TRMT9B: variants seen among roughly 807,000 people sequenced by gnomAD.
TRMT9B encodes tRNA methyltransferase 9B (putative).
A neutral mutation model predicts 11.5 loss-of-function variants in TRMT9B; 16 were observed. The ratio of observed to expected loss-of-function variants is 1.39; its 90% confidence interval spans 0.94 to 2.11. The LOEUF (loss-of-function observed/expected upper bound fraction) is 2.11, where lower values mean the gene tolerates loss of function less well. TRMT9B is among the 30% of genes most tolerant of loss of function. TRMT9B has a pLI of 0.00. For synonymous variants in TRMT9B, 274 were observed against 192.4 expected (o/e 1.42, Z -3.51); for missense variants, 941 against 553.8 (o/e 1.70, Z -7.02).
chr8:12,999,705 A>G (rs1809048317), intron 2 of TRMT9B, among the ~76,000 whole-genome samples: 1 of 152,182 alleles, frequency 6.6e-6, no homozygotes, highest in Non-Finnish European at 1.5e-5. Context: ...AATCTAGTAG[A>G]AATACTTAAG....
intron 1 of TRMT9B, among the ~76,000 whole-genome samples, chr8:12,982,676 C>T (rs1805610630): frequency 6.6e-6 from 1 of 151,380 alleles, no homozygotes; most frequent in South Asian, 2.1e-4. Flanking sequence ...AAAAAAAAAT[C>T]ATAATCAGAG....
rs17123412 is a variant in TRMT9B at position 13,011,665 on chromosome 8, A to G, written c.155-1019A>G. On this transcript the variant is annotated intron_variant, in intron 3 of 4. Transcript: ENST00000524591. ...CAATCATAACATCAGTAAGACCTCA[A>G]TGATCTAAATATTTGGGCTTTGTAA... 7.7e-3 allele frequency: 7,555 copies of G among 979,640 alleles called. 424 individuals carry two copies. The African/African-American group carries it at 0.12, about 15-fold the overall frequency. 60.7% of individuals were successfully genotyped at this position (979,640 alleles called of 1,614,324 possible).
chr8:12,977,290 G>A (rs1321988437), intron 1 of TRMT9B, among the ~76,000 whole-genome samples: 1 of 152,208 alleles, frequency 6.6e-6, no homozygotes, highest in Non-Finnish European at 1.5e-5. Flanking sequence ...TCAGCCTGGA[G>A]AGGAGAGGAA....
At chr8:12,998,952 G>A (rs948708670) in intron 2 of TRMT9B, among the ~76,000 whole-genome samples, 1 of 152,140 alleles carries the variant, frequency 6.6e-6, no homozygotes, top group African/African-American at 2.4e-5. Context: ...GGATATATAT[G>A]TTAATGTCCA....
intron 2 of TRMT9B, among the ~76,000 whole-genome samples, chr8:13,002,202 G>A (rs1010894009): frequency 6.6e-6 from 1 of 152,174 alleles, no homozygotes; most frequent in Admixed American, 6.6e-5. Context: ...CAAATTCTGA[G>A]CTTGAAATTG....
chr8:12,977,688 A>G (rs1423872984), intron 1 of TRMT9B, among the ~76,000 whole-genome samples: 1 of 151,998 alleles, frequency 6.6e-6, no homozygotes, highest in African/African-American at 2.4e-5. Context: ...TGACAGAGCA[A>G]GACTCTGTCT....
At chr8:12,989,263 A>G (rs1173840579) in intron 1 of TRMT9B, among the ~76,000 whole-genome samples, 1 of 152,210 alleles carries the variant, frequency 6.6e-6, no homozygotes, top group African/African-American at 2.4e-5. Flanking sequence ...AATACTAAAT[A>G]TGACTGATTT....
At chr8:13,020,965 ATG>A (rs1413439841) in intron 4 of TRMT9B, 41 bp from the exon 5 acceptor site, 3 of 1,316,902 alleles carry the variant, frequency 2.3e-6, no homozygotes, top group Non-Finnish European at 3.1e-6. Flanking sequence ...GTGTGGGTTT[ATG>A]TGTGTGCATA....
chr8:12,998,602 G>T (rs987266860), intron 2 of TRMT9B, among the ~76,000 whole-genome samples: 1 of 152,174 alleles, frequency 6.6e-6, no homozygotes. Flanking sequence ...GGAGGAGCAG[G>T]TATAAAAAGC....
chr8:12,970,883 A>G (rs1362328592), intron 1 of TRMT9B, among the ~76,000 whole-genome samples: 1 of 152,180 alleles, frequency 6.6e-6, no homozygotes, highest in Non-Finnish European at 1.5e-5. Context: ...AATGCTCGAA[A>G]GTTCTGTTGT....
intron 2 of TRMT9B, among the ~76,000 whole-genome samples, chr8:13,003,253 A>T (rs571715087): frequency 7.9e-5 from 12 of 152,304 alleles, no homozygotes; most frequent in Admixed American, 6.5e-5. Context: ...AATGATTGAA[A>T]ATACTTTCAT....
At chr8:12,977,345 C>T (rs1026319421) in intron 1 of TRMT9B, among the ~76,000 whole-genome samples, 1 of 152,156 alleles carries the variant, frequency 6.6e-6, no homozygotes, top group African/African-American at 2.4e-5. Flanking sequence ...TTCACGACCC[C>T]AGTGGAGCAA....
intron 1 of TRMT9B, among the ~76,000 whole-genome samples, chr8:12,949,371 T>C (rs1800428051): frequency 6.6e-6 from 1 of 152,218 alleles, no homozygotes; most frequent in African/African-American, 2.4e-5. Context: ...TCATTTTTTA[T>C]CCTTTCCTCC....
At chr8:12,957,188 G>T (rs1055598710) in intron 1 of TRMT9B, among the ~76,000 whole-genome samples, 1 of 152,158 alleles carries the variant, frequency 6.6e-6, no homozygotes, top group African/African-American at 2.4e-5. Flanking sequence ...AATATTTGTT[G>T]ATATTTTTAA....
chr8:12,962,379 T>C (rs561909868), intron 1 of TRMT9B, among the ~76,000 whole-genome samples: 2 of 152,380 alleles, frequency 1.3e-5, no homozygotes, highest in African/African-American at 4.8e-5. Context: ...TCTGATAGTT[T>C]GTCTACTTGT....
rs140827377 is a variant in TRMT9B at position 13,026,710 on chromosome 8, A to T, written c.*4666A>T. On this transcript the variant is annotated 3_prime_UTR_variant, in exon 5 of 5. Transcript: ENST00000524591. ...GCTTAAGGTTACACACATAGTAGGT[A>T]TCACACATTTAGTTAGAGGCAGAGC... The T allele has an allele frequency of 2.1e-3, 345 of 167,268 alleles. No individual in the cohort carries two copies. The highest frequency in any genetic ancestry group is 7.8e-3 in the African/African-American group (325 of 41,596). The allele number at this position is 167,268 out of a possible 1,614,324, so 10.4% of individuals were successfully genotyped here.
At position 13,028,404 on chromosome 8, in the gene TRMT9B, C is replaced by A. The variant is rs1275499164; in HGVS notation, c.*6360C>A. 1.2e-5 allele frequency: 2 copies of A among 166,944 alleles called. No individual in the cohort carries two copies. Among genetic ancestry groups the A allele is most frequent in the African/African-American group, 4.8e-5 (2 of 41,406 alleles). The allele number at this position is 166,944 out of a possible 1,614,324, so 10.3% of individuals were successfully genotyped here. On this transcript the variant is annotated 3_prime_UTR_variant, in exon 5 of 5. Transcript: ENST00000524591. The stretch of plus-strand genomic sequence containing the variant: ...CCACAGGAAAAATACATTTTCTCCA[C>A]ATGGAATATTGATTTTTCTATGAAT...
chr8:12,987,281 G>T (rs547570998), intron 1 of TRMT9B, among the ~76,000 whole-genome samples: 1 of 152,184 alleles, frequency 6.6e-6, no homozygotes, highest in African/African-American at 2.4e-5. Context: ...GAGTCAATGT[G>T]TTAAATGCTT....
chr8:13,029,127 G>C lies in TRMT9B; in HGVS notation c.*7083G>C, dbSNP rs375728270. 1.2e-5 allele frequency: 2 copies of C among 166,898 alleles called. No individual in the cohort carries two copies. The highest frequency in any genetic ancestry group is 1.9e-4 in the East Asian group (1 of 5,188). 10.3% of individuals were successfully genotyped at this position (166,898 alleles called of 1,614,324 possible). A position where few individuals can be genotyped will look rare whatever the true frequency, so the allele number is the denominator to read the frequency against. The stretch of plus-strand genomic sequence containing the variant: ...AAGAAAAAGTAGTTCTTTTGTGCAC[G>C]CGTGAATACATCAAATTAGCAATTA... On this transcript the variant is annotated 3_prime_UTR_variant, in exon 5 of 5. Coordinates refer to ENST00000524591, the MANE Select transcript of TRMT9B (RefSeq NM_020844.3).
Sources: allele counts gnomAD v4.1 joint callset (sites outside exome capture counted in the v4.1 genomes callset), GRCh38; gene constraint gnomAD v4.1.1; transcripts MANE v1.5; gene names NCBI Gene and HGNC (gene_info 2026-07-23, HGNC 2026-07-21).